The following MLLT11 variants were observed in gnomAD, a reference collection of about 807,000 sequenced individuals.
MLLT11 encodes protein AF1q.
Under a neutral mutation model 5.3 loss-of-function variants are expected in MLLT11, and 1 was observed. The observed-to-expected ratio is 0.19, with a 90% CI of 0.07 to 0.89. The LOEUF (loss-of-function observed/expected upper bound fraction) is 0.89, where lower values mean the gene tolerates loss of function less well. MLLT11 is among the 40% of genes least tolerant of loss of function. The pLI, the probability that MLLT11 is intolerant of heterozygous loss-of-function variation, is 0.67. For synonymous variants in MLLT11, 38 were observed against 41.7 expected, an observed-to-expected ratio of 0.91 and a Z score of 0.34; for missense variants, 87 against 107.3, an observed-to-expected ratio of 0.81 and a Z score of 0.83.
intron 1 of MLLT11, among the ~76,000 whole-genome samples, chr1:151,063,448 C>T (rs373625978): frequency 3.9e-5 from 6 of 151,934 alleles, no homozygotes; most frequent in African/African-American, 1.4e-4. Flanking sequence ...ATTATTGAGA[C>T]GGAGTCTTGC....
At chr1:151,062,348 T>C (rs960762747) in intron 1 of MLLT11, among the ~76,000 whole-genome samples, 8 of 151,474 alleles carry the variant, frequency 5.3e-5, no homozygotes, top group Non-Finnish European at 1.2e-4. Flanking sequence ...CTATGATTTT[T>C]TCCCCCCATG....
chr1:151,063,796 A>T (rs74125077), intron 1 of MLLT11, among the ~76,000 whole-genome samples: 3,704 of 152,248 alleles, frequency 0.024, 104 homozygotes, highest in African/African-American at 0.073. Flanking sequence ...AATAGTCCTA[A>T]AATATCAGGC....
rs903810300 is a variant in MLLT11, at chr1:151,062,765, G to A, written c.-7+2212G>A. On this transcript the variant is annotated intron_variant, in intron 1 of 1. Transcript: ENST00000368921. ...GATAGAGAAAAGAACCCAGCTAGCT[G>A]TGAAAATAACTGGTAACAGTAAGAA... Among the ~76,000 whole-genome samples, 33 of 152,272 alleles carry A rather than the reference G, an allele frequency of 2.2e-4. 1 individual carries two copies. The highest frequency in any genetic ancestry group is 7.7e-4 in the African/African-American group (32 of 41,538).
chr1:151,068,881 G>C lies in MLLT11; in HGVS notation c.*1384G>C, dbSNP rs907083003. On this transcript the variant is annotated 3_prime_UTR_variant, in exon 2 of 2. Transcript: ENST00000368921. ...ATTACAGGCGTGAGCCACTGAGCCC[G>C]GCCTCATTTTATCTTTCTATAATAA... 6.6e-6 allele frequency among the ~76,000 whole-genome samples: 1 copy of C among 152,196 alleles called. No homozygotes were observed. The highest frequency in any genetic ancestry group is 1.5e-5 in the Non-Finnish European group (1 of 68,044).
intron 1 of MLLT11, among the ~76,000 whole-genome samples, chr1:151,065,564 A>G (rs1040189011): frequency 6.6e-6 from 1 of 152,208 alleles, no homozygotes; most frequent in Admixed American, 6.5e-5. Context: ...GGAGTTAGGT[A>G]AAACTCTACA....
chr1:151,067,509 C>G lies in MLLT11; in HGVS notation c.*12C>G. On this transcript the variant is annotated 3_prime_UTR_variant, in exon 2 of 2. Transcript: ENST00000368921. ...TGGACTTGCTCTAAGGCCAAGACTT[C>G]TCTCTCCCATCACCTTGCCCTCATT... is the stretch of plus-strand genomic sequence containing the variant. 6.2e-7 allele frequency: 1 copy of G among 1,610,928 alleles called. No individual in the cohort carries two copies.
chr1:151,068,797 C>G lies in MLLT11; in HGVS notation c.*1300C>G, dbSNP rs1029658171. Among the ~76,000 whole-genome samples the G allele has an allele frequency of 6.6e-6, 1 of 152,182 alleles. No homozygotes were observed. The highest frequency in any genetic ancestry group is 1.5e-5 in the Non-Finnish European group (1 of 68,034). On this transcript the variant is annotated 3_prime_UTR_variant, in exon 2 of 2. Coordinates refer to ENST00000368921, the MANE Select transcript of MLLT11 (RefSeq NM_006818.4). ...ACGGGGTTTCACCATGTTGGCCAGG[C>G]TGGTCTCTAACTCCTGACCTCAGGT...
In MLLT11 at chr1:151,067,322, C is replaced by T. The variant is rs201073147; in HGVS notation, c.98C>T (p.Ser33Leu). The change falls in exon 2 of 2, where the codon TCA becomes TTA. Residue 33 changes from serine (S) to leucine (L), a missense_variant. By Grantham distance (145) the Ser-to-Leu change is moderately radical. Coordinates refer to ENST00000368921, the MANE Select transcript of MLLT11 (RefSeq NM_006818.4). ...DLSELEGLGL[S>L]DTATYKVKDS... ...TCGGAGCTGGAAGGCCTGGGTCTGT[C>T]AGATACAGCCACCTACAAGGTCAAA... 1 of 1,614,124 alleles carries T rather than the reference C, an allele frequency of 6.2e-7. No individual in the cohort carries two copies. Among genetic ancestry groups the T allele is most frequent in the East Asian group, 2.2e-5 (1 of 44,882 alleles).
At chr1:151,067,121 T>C in intron 1 of MLLT11, 98 bp from the exon 2 acceptor site, 1 of 936,142 alleles carries the variant, frequency 1.1e-6, no homozygotes, top group Non-Finnish European at 1.6e-6. Context: ...AAAAAAGAAA[T>C]TCCTTTTTAC....
intron 1 of MLLT11, among the ~76,000 whole-genome samples, chr1:151,065,986 G>A (rs587629411): frequency 1.1e-4 from 16 of 148,842 alleles, no homozygotes; most frequent in Admixed American, 9.4e-4. Flanking sequence ...GACTACAGGC[G>A]TGCACCACCA....
Position 151,067,428 on chromosome 1 carries a change from G to A in MLLT11, c.204G>A (p.Glu68=). The change falls in exon 2 of 2, where the codon GAG becomes GAA. Residue 68 remains glutamate (E), a synonymous_variant. Coordinates refer to ENST00000368921, the MANE Select transcript of MLLT11 (RefSeq NM_006818.4). The part of the protein sequence containing the change: ...EKNPEGDGLL[E]YSTFNFWRAP... ...ACCCTGAAGGTGATGGCCTCCTTGA[G>A]TACAGCACCTTCAACTTCTGGAGAG... 2 of 1,614,142 alleles carry A rather than the reference G, an allele frequency of 1.2e-6. No individual in the cohort carries two copies. The highest frequency in any genetic ancestry group is 1.7e-6 in the Non-Finnish European group (2 of 1,180,036).
chr1:151,060,540 T>C lies in MLLT11; in HGVS notation c.-20T>C, dbSNP rs991322435. On this transcript the variant is annotated 5_prime_UTR_variant, in exon 1 of 2. Coordinates refer to ENST00000368921, the MANE Select transcript of MLLT11 (RefSeq NM_006818.4). ...CTCCATCTTTGGAACACGCCAGTAATTGATTGATAACAGGTAAACCAAACT... is the reference window on the plus strand; with the variant it reads ...CTCCATCTTTGGAACACGCCAGTAACTGATTGATAACAGGTAAACCAAACT... 1.3e-5 allele frequency: 2 copies of C among 152,134 alleles called. No homozygotes were observed. The highest frequency in any genetic ancestry group is 2.4e-5 in the African/African-American group (1 of 41,402). 9.4% of individuals were successfully genotyped at this position (152,134 alleles called of 1,614,324 possible).
At chr1:151,063,017 G>T (rs142948010) in intron 1 of MLLT11, among the ~76,000 whole-genome samples, 1 of 152,028 alleles carries the variant, frequency 6.6e-6, no homozygotes, top group Non-Finnish European at 1.5e-5. Flanking sequence ...CTGCAATCCC[G>T]GCATCACCCT....
intron 1 of MLLT11, among the ~76,000 whole-genome samples, chr1:151,062,466 G>A (rs773690134): frequency 7.3e-5 from 11 of 151,300 alleles, no homozygotes; most frequent in Non-Finnish European, 1.3e-4. Context: ...CAGTTCAAGC[G>A]ATTCTCCTGC....
At chr1:151,067,124 C>A (rs878997943) in intron 1 of MLLT11, 95 bp from the exon 2 acceptor site, 12 of 969,370 alleles carry the variant, frequency 1.2e-5, no homozygotes, top group South Asian at 4.2e-5. Context: ...AAAGAAATTC[C>A]TTTTTACCAG....
chr1:151,065,341 C>T (rs1676461190), intron 1 of MLLT11, among the ~76,000 whole-genome samples: 2 of 152,108 alleles, frequency 1.3e-5, no homozygotes, highest in Non-Finnish European at 2.9e-5. Flanking sequence ...TTTTAAATTG[C>T]AAGATAGCTC....
At chr1:151,063,829 A>C (rs1276728764) in intron 1 of MLLT11, among the ~76,000 whole-genome samples, 1 of 152,206 alleles carries the variant, frequency 6.6e-6, no homozygotes, top group African/African-American at 2.4e-5. Context: ...GAATGAGTAG[A>C]GAAAGTGATA....
At chr1:151,062,427 A>G (rs2102979669) in intron 1 of MLLT11, among the ~76,000 whole-genome samples, 1 of 150,208 alleles carries the variant, frequency 6.7e-6, no homozygotes, top group East Asian at 2.0e-4. Context: ...CAGTGGTGCA[A>G]TCTTGGCTCA....
intron 1 of MLLT11, among the ~76,000 whole-genome samples, chr1:151,065,991 C>A (rs1676470889): frequency 6.6e-6 from 1 of 152,136 alleles, no homozygotes; most frequent in African/African-American, 2.4e-5. Flanking sequence ...CAGGCGTGCA[C>A]CACCAGGCCC....
Sources: allele counts gnomAD v4.1 joint callset (sites outside exome capture counted in the v4.1 genomes callset), GRCh38; gene constraint gnomAD v4.1.1; transcripts MANE v1.5; gene names NCBI Gene and HGNC (gene_info 2026-07-23, HGNC 2026-07-21).